Variants in ESR1 observed in about 807,000 individuals in gnomAD.
The protein encoded by ESR1 is estrogen receptor 1, also known as estrogen receptor.
A neutral mutation model predicts 52.7 loss-of-function variants in ESR1; 12 were observed. The observed-to-expected ratio is 0.23, with a 90% confidence interval of 0.15 to 0.37. The LOEUF is 0.37. Ranked by LOEUF, ESR1 falls within the 10% of genes least tolerant of loss-of-function variation. The probability of loss-of-function intolerance (pLI) is 1.00; values close to 1 mark genes in which losing one functional copy is unlikely to be tolerated. For synonymous variants in ESR1, 305 were observed against 316.8 expected, an observed-to-expected ratio of 0.96 and a Z score of 0.39; for missense variants, 584 against 779.7, an observed-to-expected ratio of 0.75 and a Z score of 2.99.
intron 3 of ESR1, among the ~76,000 whole-genome samples, chr6:151,929,641 A>C (rs999510269): frequency 6.6e-5 from 10 of 152,116 alleles, no homozygotes; most frequent in African/African-American, 2.4e-4. Flanking sequence ...TAAATAAATA[A>C]AAATTAAAAA....
chr6:151,937,169 G>A (rs1379789036), intron 3 of ESR1, among the ~76,000 whole-genome samples: 1 of 152,186 alleles, frequency 6.6e-6, no homozygotes, highest in Non-Finnish European at 1.5e-5. Flanking sequence ...CAGGAGATCA[G>A]TAGCTTTTAA....
intron 2 of ESR1, among the ~76,000 whole-genome samples, chr6:151,870,977 G>A (rs1413242135): frequency 6.6e-6 from 1 of 151,662 alleles, no homozygotes; most frequent in Non-Finnish European, 1.5e-5. Context: ...TCAGCCTCCT[G>A]AGTAACTGGG....
chr6:151,826,672 C>G (rs899420357), intron 1 of ESR1, among the ~76,000 whole-genome samples: 1 of 152,182 alleles, frequency 6.6e-6, no homozygotes, highest in Non-Finnish European at 1.5e-5. Context: ...TCTTACCTCA[C>G]TCTGTTGATG....
At chr6:152,076,212 A>G (rs1432272273) in intron 6 of ESR1, among the ~76,000 whole-genome samples, 1 of 152,184 alleles carries the variant, frequency 6.6e-6, no homozygotes. Flanking sequence ...GGTTTCCTCC[A>G]TGCTGTTCTC....
intron 5 of ESR1, among the ~76,000 whole-genome samples, chr6:152,044,587 G>C (rs1034678495): frequency 6.6e-6 from 1 of 151,522 alleles, no homozygotes; most frequent in Non-Finnish European, 1.5e-5. Context: ...TCAGTCTCTG[G>C]CTGACAGCCT....
upstream of ESR1, among the ~76,000 whole-genome samples, chr6:151,689,819 A>G (rs1454276461): frequency 1.3e-5 from 2 of 152,206 alleles, no homozygotes; most frequent in African/African-American, 2.4e-5. Flanking sequence ...TGCATAAACC[A>G]CACCAGACAT....
In ESR1 at chr6:151,880,346, GT is replaced by G. The variant is rs144000393; in HGVS notation, c.644-301del. Reference sequence around the variant, plus strand: ...TACAGGTGTACACCACCATACCCAGGTTTTTTTTGTATTTTTAGTAGAGACG... The same window carrying G: ...TACAGGTGTACACCACCATACCCAGGTTTTTTTGTATTTTTAGTAGAGACG... On this transcript the variant is annotated intron_variant, in intron 2 of 7. Transcript: ENST00000206249. Among the ~76,000 whole-genome samples, 4,956 of 151,612 alleles carry G rather than the reference GT, an allele frequency of 0.033. 119 individuals carry two copies. Among genetic ancestry groups the G allele is most frequent in the South Asian group, 0.1 (483 of 4,776 alleles).
At chr6:151,970,079 T>C (rs185244729) in intron 4 of ESR1, among the ~76,000 whole-genome samples, 3 of 152,200 alleles carry the variant, frequency 2.0e-5, no homozygotes, top group African/African-American at 7.2e-5. Flanking sequence ...ATTTCTTCCC[T>C]CTGCCCCCGG....
At chr6:151,880,865 G>T in intron 3 of ESR1, 94 bp downstream of exon 3, 1 of 716,882 alleles carries the variant, frequency 1.4e-6, no homozygotes, top group East Asian at 2.6e-5. Context: ...GGAATTTTGT[G>T]TTTTTTTCTT....
chr6:152,088,082 T>C (rs915129260), intron 6 of ESR1, among the ~76,000 whole-genome samples: 6 of 152,206 alleles, frequency 3.9e-5, no homozygotes, highest in African/African-American at 1.2e-4. Context: ...ATAATTTACC[T>C]GTACATATAA....
chr6:151,677,153 A>G (rs894098874), intron 1 of ESR1, among the ~76,000 whole-genome samples: 18 of 152,148 alleles, frequency 1.2e-4, no homozygotes, highest in Non-Finnish European at 2.4e-4. Context: ...AAGAAGAAAA[A>G]TTTGAGTTAG....
intron 2 of ESR1, among the ~76,000 whole-genome samples, chr6:151,709,735 A>G (rs1260894760): frequency 6.6e-6 from 1 of 150,760 alleles, no homozygotes; most frequent in Non-Finnish European, 1.5e-5. Flanking sequence ...CATTTTTTCT[A>G]TAGATTTTTT....
rs148992033 is a variant in ESR1 at position 151,911,837 on chromosome 6, C to T, written c.760+31066C>T. 1.0e-3 allele frequency among the ~76,000 whole-genome samples: 152 copies of T among 152,268 alleles called. 2 individuals are homozygous for T. Among genetic ancestry groups the T allele is most frequent in the African/African-American group, 3.1e-3 (127 of 41,556 alleles). On this transcript the variant is annotated intron_variant, in intron 3 of 7. Transcript: ENST00000206249. ...CTCCCAGGTGATTCTGACATGCACC[C>T]GGCATTGAGCACCATGGACATGGCT...
chr6:151,732,269 T>TA (rs939224306), intron 2 of ESR1, among the ~76,000 whole-genome samples: 3 of 152,094 alleles, frequency 2.0e-5, no homozygotes, highest in South Asian at 2.1e-4. Context: ...TTACATTATA[T>TA]AAAAAAAGTA....
intron 2 of ESR1, among the ~76,000 whole-genome samples, chr6:151,755,890 C>T (rs770092491): frequency 1.7e-4 from 26 of 152,162 alleles, no homozygotes; most frequent in African/African-American, 4.3e-4. Context: ...TTCAGCCTCC[C>T]GAAGTGCTGG....
chr6:152,097,406 A>G (rs892641671), intron 7 of ESR1, among the ~76,000 whole-genome samples: 6 of 152,186 alleles, frequency 3.9e-5, no homozygotes, highest in Admixed American at 2.0e-4. Flanking sequence ...TAAATGAAAA[A>G]AAAAAAAAGT....
At chr6:151,751,503 G>T (rs1783898247) in intron 2 of ESR1, among the ~76,000 whole-genome samples, 1 of 152,114 alleles carries the variant, frequency 6.6e-6, no homozygotes, top group Non-Finnish European at 1.5e-5. Context: ...TGCTCCGATG[G>T]CAGTTTTGTC....
At chr6:152,021,413 A>G (rs1044255357) in intron 5 of ESR1, among the ~76,000 whole-genome samples, 3 of 152,198 alleles carry the variant, frequency 2.0e-5, no homozygotes, top group South Asian at 2.1e-4. Flanking sequence ...CCCTTTATAT[A>G]TATCCTATTA....
chr6:151,751,104 T>C (rs1357862278), intron 2 of ESR1, among the ~76,000 whole-genome samples: 1 of 152,216 alleles, frequency 6.6e-6, no homozygotes, highest in Non-Finnish European at 1.5e-5. Flanking sequence ...TCAGCATTAG[T>C]GGCTTCAATT....
Sources: gnomAD v4.1 joint callset for allele counts (sites outside exome capture counted in the v4.1 genomes callset) on GRCh38, gnomAD v4.1.1 for gene constraint, MANE v1.5 for transcripts, NCBI Gene and HGNC (gene_info 2026-07-23, HGNC 2026-07-21) for gene names.